Variants in RFX4 observed in about 807,000 individuals in gnomAD.
The protein encoded by RFX4 is transcription factor RFX4.
RFX4 carries 10 observed loss-of-function variants against 95.0 expected under a neutral mutation model. The ratio of observed to expected loss-of-function variants is 0.11; its 90% CI spans 0.06 to 0.18. The LOEUF (loss-of-function observed/expected upper bound fraction) is 0.18. RFX4 is among the 10% of genes least tolerant of loss of function. The pLI is 1.00. For synonymous variants in RFX4, 321 were observed against 340.7 expected, an observed-to-expected ratio of 0.94 and a Z score of 0.64; for missense variants, 640 against 922.0, an observed-to-expected ratio of 0.69 and a Z score of 3.96.
Position 106,604,714 on chromosome 12 carries a change from C to T in RFX4, c.44-4083C>T, listed in dbSNP as rs140992226. Among the ~76,000 whole-genome samples, 75 of 152,190 alleles carry T rather than the reference C, an allele frequency of 4.9e-4. No homozygotes were observed. The South Asian group carries it at 5.0e-3, about 10-fold the overall frequency. On this transcript the variant is annotated intron_variant, in intron 1 of 17. Coordinates refer to ENST00000392842, the MANE Select transcript of RFX4 (RefSeq NM_213594.3). ...GAGAGTCAAAAGAAATAGAATAAAA[C>T]GGGCTCCATTATTAAGTGGTTTAAG...
intron 3 of RFX4, 25 bp from the exon 4 acceptor site, chr12:106,654,203 G>T: frequency 1.9e-6 from 3 of 1,612,898 alleles, no homozygotes; most frequent in Non-Finnish European, 2.5e-6. Context: ...CACATTTTTT[G>T]CTCATTGGGC....
intron 4 of RFX4, among the ~76,000 whole-genome samples, chr12:106,655,244 G>A (rs886893150): frequency 3.3e-5 from 5 of 152,248 alleles, no homozygotes; most frequent in African/African-American, 1.2e-4. Context: ...TGGAGTGGCT[G>A]AGAAATGGCT....
intron 2 of RFX4, among the ~76,000 whole-genome samples, chr12:106,635,606 C>A (rs757815033): frequency 3.3e-5 from 5 of 152,144 alleles, no homozygotes; most frequent in Non-Finnish European, 7.4e-5. Context: ...AGCTACCATG[C>A]CCGGTCCCAT....
rs538243549 is a variant in RFX4 at position 106,644,999 on chromosome 12, T to C, written c.191+5607T>C. On this transcript the variant is annotated intron_variant, in intron 3 of 17. Transcript: ENST00000392842. The stretch of plus-strand genomic sequence containing the variant: ...TTATTGGAATTGGGTTAGGAGCTAT[T>C]TGCTTCTCCTTCTTCCCCTTCCTTG... Among the ~76,000 whole-genome samples the C allele has an allele frequency of 1.6e-3, 247 of 152,124 alleles. 2 individuals are homozygous for C. Among genetic ancestry groups the C allele is most frequent in the African/African-American group, 5.7e-3 (235 of 41,500 alleles).
At chr12:106,625,669 A>G (rs1592865373) in intron 2 of RFX4, among the ~76,000 whole-genome samples, 1 of 152,208 alleles carries the variant, frequency 6.6e-6, no homozygotes, top group South Asian at 2.1e-4. Context: ...AGTTGGGCCC[A>G]GAAGATTCCC....
intron 15 of RFX4, among the ~76,000 whole-genome samples, chr12:106,735,330 G>A (rs10746066): frequency 0.41 from 62,323 of 151,862 alleles, 13,369 homozygotes; most frequent in African/African-American, 0.54. Context: ...CATTTAATAA[G>A]TGTTCCAGAG....
At chr12:106,587,589 G>C (rs1417694729) in intron 1 of RFX4, among the ~76,000 whole-genome samples, 1 of 152,152 alleles carries the variant, frequency 6.6e-6, no homozygotes, top group Non-Finnish European at 1.5e-5. Context: ...GCCCGCCTTG[G>C]AGCCCTTGCT....
intron 2 of RFX4, among the ~76,000 whole-genome samples, chr12:106,612,450 A>AT (rs1235540185): frequency 6.6e-6 from 1 of 152,120 alleles, no homozygotes; most frequent in Admixed American, 6.5e-5. Context: ...TTGTGTGCTG[A>AT]TTTTGTGTCC....
chr12:106,585,409 C>G (rs2039440644), intron 1 of RFX4, among the ~76,000 whole-genome samples: 2 of 152,296 alleles, frequency 1.3e-5, no homozygotes, highest in South Asian at 4.1e-4. Flanking sequence ...CGAGACATCC[C>G]TAGGTCACCA....
intron 2 of RFX4, among the ~76,000 whole-genome samples, chr12:106,618,273 TTA>T (rs2040113327): frequency 6.6e-6 from 1 of 152,100 alleles, no homozygotes; most frequent in African/African-American, 2.4e-5. Context: ...AGTTGGTTAA[TTA>T]TGTTATTTAA....
intron 2 of RFX4, among the ~76,000 whole-genome samples, chr12:106,611,722 A>T (rs996093405): frequency 6.6e-6 from 1 of 152,034 alleles, no homozygotes; most frequent in Non-Finnish European, 1.5e-5. Flanking sequence ...CATGTTGGTC[A>T]GGTTGGTCTC....
rs1004796828 is a variant in RFX4, at chr12:106,586,926, G to A, written c.43+3563G>A. On this transcript the variant is annotated intron_variant, in intron 1 of 17. Coordinates refer to ENST00000392842, the MANE Select transcript of RFX4 (RefSeq NM_213594.3). This position sits in a 1 kb window ranked among gnomAD's most constrained non-coding sequence, Gnocchi z 5.6. ...GGAGAGCAAGGAGCCGGAGGTCCGA[G>A]CCTTGCTCCAGCGCCCAAACCAGAC... Among the ~76,000 whole-genome samples the A allele has an allele frequency of 6.6e-6, 1 of 152,216 alleles. No homozygotes were observed. The highest frequency in any genetic ancestry group is 2.4e-5 in the African/African-American group (1 of 41,476).
intron 13 of RFX4, among the ~76,000 whole-genome samples, chr12:106,730,751 AG>A (rs1462576281): frequency 3.3e-5 from 5 of 152,202 alleles, no homozygotes; most frequent in Admixed American, 1.3e-4. Flanking sequence ...CTGTAATCCC[AG>A]CACCTTGGGA....
At chr12:106,732,681 CAG>C (rs1336835772) in intron 14 of RFX4, among the ~76,000 whole-genome samples, 5 of 151,932 alleles carry the variant, frequency 3.3e-5, no homozygotes, top group Non-Finnish European at 7.4e-5. Flanking sequence ...GCCTGGGTGA[CAG>C]AGCAAGACTC....
At chr12:106,684,035 G>C (rs966956036) in intron 5 of RFX4, among the ~76,000 whole-genome samples, 3 of 152,292 alleles carry the variant, frequency 2.0e-5, no homozygotes, top group Middle Eastern at 3.4e-3. Context: ...TGGCCTTATA[G>C]AGAAACTCCC....
chr12:106,700,397 C>CAA (rs1592955555), intron 8 of RFX4, among the ~76,000 whole-genome samples: 2 of 142,798 alleles, frequency 1.4e-5, no homozygotes, highest in African/African-American at 5.2e-5. Context: ...TGTATATCTT[C>CAA]TTTTTCTTTT....
In RFX4 at chr12:106,689,396, C is replaced by T. The variant is rs564251973; in HGVS notation, c.669+32C>T. ...CAACAAGGGTTGAGCTGTGAATACT[C>T]GGTATTAAAAATCTTGTAACACTAG... On this transcript the variant is annotated intron_variant, in intron 7 of 17. Transcript: ENST00000392842. The T allele has an allele frequency of 2.3e-5, 35 of 1,542,162 alleles. No homozygotes were observed. The Middle Eastern group carries it at 6.7e-4, about 30-fold the overall frequency.
chr12:106,654,894 G>T (rs2040926098), intron 4 of RFX4, among the ~76,000 whole-genome samples: 1 of 152,158 alleles, frequency 6.6e-6, no homozygotes, highest in South Asian at 2.1e-4. Flanking sequence ...GCCAAGGAAA[G>T]CTGTTGGGGC....
chr12:106,613,805 T>C (rs979897799), intron 2 of RFX4, among the ~76,000 whole-genome samples: 1 of 152,226 alleles, frequency 6.6e-6, no homozygotes. Context: ...TGAAGGAGTT[T>C]GAGGATTAGA....
Sources: gnomAD v4.1 joint callset for allele counts (sites outside exome capture counted in the v4.1 genomes callset) on GRCh38, gnomAD v4.1.1 for gene constraint, Gnocchi (gnomAD v3.1) non-coding constraint, MANE v1.5 for transcripts, NCBI Gene and HGNC (gene_info 2026-07-23, HGNC 2026-07-21) for gene names.